The following SLC39A11 variants were observed in gnomAD, a reference collection of about 807,000 sequenced individuals.
SLC39A11 encodes the protein zinc transporter ZIP11.
In SLC39A11, 33 loss-of-function variants were observed where a neutral mutation model predicts 36.1. The ratio of observed to expected loss-of-function variants is 0.91; its 90% CI spans 0.69 to 1.22. The LOEUF is 1.22. Ranked by LOEUF, SLC39A11 falls within the 50% of genes most tolerant of loss-of-function variation. The pLI is 0.00. For synonymous variants in SLC39A11, 166 were observed against 170.3 expected, an observed-to-expected ratio of 0.97 and a Z score of 0.20; for missense variants, 432 against 430.3, an observed-to-expected ratio of 1.00 and a Z score of -0.03.
intron 5 of SLC39A11, among the ~76,000 whole-genome samples, chr17:72,913,033 A>G (rs1262143883): frequency 6.6e-6 from 1 of 152,134 alleles, no homozygotes; most frequent in Non-Finnish European, 1.5e-5. Flanking sequence ...GGAATAAAAC[A>G]ATCCTGATGT....
intron 6 of SLC39A11, among the ~76,000 whole-genome samples, chr17:72,848,515 T>C (rs1424116844): frequency 6.6e-6 from 1 of 150,410 alleles, no homozygotes; most frequent in African/African-American, 2.4e-5. Context: ...AGGTCAGGAG[T>C]TCAAGACCAG....
intron 6 of SLC39A11, among the ~76,000 whole-genome samples, chr17:72,780,526 GCGGGT>G (rs2076278188): frequency 8.8e-6 from 1 of 113,182 alleles, no homozygotes; most frequent in Non-Finnish European, 1.7e-5. Context: ...AAGATGGGGG[GCGGGT>G]GGGGGCACAA....
At chr17:73,033,938 T>C (rs922588802) in intron 3 of SLC39A11, among the ~76,000 whole-genome samples, 3 of 152,156 alleles carry the variant, frequency 2.0e-5, no homozygotes, top group East Asian at 1.9e-4. Flanking sequence ...AAAGTCTTAG[T>C]GCCACCCATG....
At chr17:72,808,295 A>G (rs1047486933) in intron 6 of SLC39A11, among the ~76,000 whole-genome samples, 3 of 152,252 alleles carry the variant, frequency 2.0e-5, no homozygotes, top group Non-Finnish European at 2.9e-5. Flanking sequence ...TGCAAAGAAT[A>G]TGACAGGAAG....
chr17:73,062,899 G>T (rs2059890748), intron 3 of SLC39A11, among the ~76,000 whole-genome samples: 1 of 152,306 alleles, frequency 6.6e-6, no homozygotes, highest in African/African-American at 2.4e-5. Context: ...GATCTGACAG[G>T]AGGAGTTCAG....
At chr17:72,919,990 G>C (rs1207378616) in intron 5 of SLC39A11, among the ~76,000 whole-genome samples, 1 of 152,196 alleles carries the variant, frequency 6.6e-6, no homozygotes, top group East Asian at 1.9e-4. Context: ...TGGACTGCCA[G>C]CTAGAGCTTG....
intron 4 of SLC39A11, among the ~76,000 whole-genome samples, chr17:72,961,727 G>A (rs930029136): frequency 3.9e-5 from 6 of 151,974 alleles, no homozygotes; most frequent in Non-Finnish European, 5.9e-5. Context: ...ATCACACACT[G>A]GGGCCTGTCA....
intron 6 of SLC39A11, among the ~76,000 whole-genome samples, chr17:72,840,920 T>TG (rs1024349641): frequency 1.9e-4 from 29 of 150,452 alleles, no homozygotes; most frequent in African/African-American, 6.9e-4. Flanking sequence ...CCAGGCGTGG[T>TG]GGGGGGCGCC....
chr17:73,038,421 G>A (rs895513102), intron 3 of SLC39A11, among the ~76,000 whole-genome samples: 11 of 151,752 alleles, frequency 7.2e-5, no homozygotes, highest in African/African-American at 2.7e-4. Context: ...AGTATAGGCT[G>A]GGCACAGTGG....
chr17:72,770,924 C>A (rs1310686847), intron 6 of SLC39A11, among the ~76,000 whole-genome samples: 1 of 152,110 alleles, frequency 6.6e-6, no homozygotes, highest in Admixed American at 6.6e-5. Context: ...GCCTTCTCAT[C>A]CACATTCTGC....
intron 6 of SLC39A11, among the ~76,000 whole-genome samples, chr17:72,824,929 A>G (rs775639270): frequency 1.4e-4 from 21 of 151,438 alleles, no homozygotes; most frequent in Non-Finnish European, 2.2e-4. Context: ...TTAAAAGGGA[A>G]GCAGAGCAAA....
intron 5 of SLC39A11, among the ~76,000 whole-genome samples, chr17:72,869,534 C>T (rs1258041591): frequency 6.6e-6 from 1 of 152,132 alleles, no homozygotes; most frequent in African/African-American, 2.4e-5. Context: ...GGACTACAGG[C>T]ACCCGCCACC....
In SLC39A11 at chr17:72,895,302, G is replaced by A. The variant is rs571088216; in HGVS notation, c.431-45498C>T. Among the ~76,000 whole-genome samples the A allele has an allele frequency of 7.2e-5, 11 of 152,216 alleles. No individual in the cohort carries two copies. The East Asian group carries it at 1.7e-3, about 24-fold the overall frequency. On this transcript the variant is annotated intron_variant, in intron 5 of 9. Coordinates refer to ENST00000255559, the MANE Select transcript of SLC39A11 (RefSeq NM_139177.4). Reference sequence around the variant, plus strand: ...GCTTTGAGAACCAAATAAATGGCTGGGTGCGCGGGCTCACACCTGTAATCC... The same window carrying A: ...GCTTTGAGAACCAAATAAATGGCTGAGTGCGCGGGCTCACACCTGTAATCC...
intron 5 of SLC39A11, among the ~76,000 whole-genome samples, chr17:72,864,540 C>T (rs1172363170): frequency 2.0e-5 from 3 of 152,134 alleles, no homozygotes; most frequent in Non-Finnish European, 4.4e-5. Flanking sequence ...AGTCCCCTAA[C>T]ATAACGATTC....
intron 5 of SLC39A11, among the ~76,000 whole-genome samples, chr17:72,937,252 C>A (rs1489487761): frequency 6.6e-6 from 1 of 152,082 alleles, no homozygotes; most frequent in Non-Finnish European, 1.5e-5. Flanking sequence ...ACCAGCCTGG[C>A]CAACATGGTG....
At chr17:72,759,032 C>T (rs113017056) in intron 6 of SLC39A11, among the ~76,000 whole-genome samples, 2 of 151,984 alleles carry the variant, frequency 1.3e-5, no homozygotes, top group South Asian at 2.1e-4. Context: ...ACCCGGGAGG[C>T]GGAGGTTGCA....
intron 6 of SLC39A11, among the ~76,000 whole-genome samples, chr17:72,773,489 T>C (rs889607654): frequency 2.0e-5 from 3 of 152,188 alleles, no homozygotes; most frequent in African/African-American, 7.2e-5. Flanking sequence ...TGTCACCCTG[T>C]AAGAAGTGCC....
intron 6 of SLC39A11, among the ~76,000 whole-genome samples, chr17:72,737,615 G>T (rs1210336321): frequency 3.3e-5 from 5 of 151,998 alleles, no homozygotes; most frequent in Admixed American, 3.3e-4. Context: ...TCACCATTAG[G>T]TCCTCATAGT....
chr17:72,855,287 G>C (rs1349530079), intron 5 of SLC39A11, among the ~76,000 whole-genome samples: 1 of 152,208 alleles, frequency 6.6e-6, no homozygotes, highest in Non-Finnish European at 1.5e-5. Flanking sequence ...AACACAGAAT[G>C]TATGTGGTCC....
Sources: gnomAD v4.1 joint callset for allele counts (sites outside exome capture counted in the v4.1 genomes callset) on GRCh38, gnomAD v4.1.1 for gene constraint, MANE v1.5 for transcripts, NCBI Gene and HGNC (gene_info 2026-07-23, HGNC 2026-07-21) for gene names.